Variants in XKR4 observed in about 807,000 individuals in gnomAD.
The protein encoded by XKR4 is XK-related protein 4.
Under a neutral mutation model 53.9 loss-of-function variants are expected in XKR4, and 12 were observed. The ratio of observed to expected loss-of-function variants is 0.22; its 90% CI spans 0.14 to 0.36. The LOEUF is 0.36. Ranked by LOEUF, XKR4 falls within the 10% of genes least tolerant of loss-of-function variation. The pLI is 1.00. For synonymous variants in XKR4, 354 were observed against 362.4 expected, an observed-to-expected ratio of 0.98 and a Z score of 0.26; for missense variants, 799 against 859.5, an observed-to-expected ratio of 0.93 and a Z score of 0.88.
At chr8:55,346,311 C>G (rs1159246264) in intron 1 of XKR4, among the ~76,000 whole-genome samples, 2 of 152,108 alleles carry the variant, frequency 1.3e-5, no homozygotes, top group Non-Finnish European at 2.9e-5. Flanking sequence ...TTCTCAAACT[C>G]CTGACCTCAA....
intron 2 of XKR4, among the ~76,000 whole-genome samples, chr8:55,373,713 G>A (rs1010337219): frequency 4.6e-5 from 7 of 152,116 alleles, no homozygotes; most frequent in African/African-American, 1.7e-4. Flanking sequence ...AAGACTTTTG[G>A]AATAAATGGT....
intron 1 of XKR4, among the ~76,000 whole-genome samples, chr8:55,229,420 G>A (rs1818000576): frequency 6.6e-6 from 1 of 152,224 alleles, no homozygotes; most frequent in Admixed American, 6.5e-5. Flanking sequence ...TCCGTCAGTC[G>A]TTTCAGGCTT....
rs1807017376 is a variant in XKR4, at chr8:55,535,325, A to T, written c.*11098A>T. On this transcript the variant is annotated 3_prime_UTR_variant, in exon 3 of 3. Coordinates refer to ENST00000327381, the MANE Select transcript of XKR4 (RefSeq NM_052898.2). ...TGTGCCATGTTGGTGTGCTGTACCT[A>T]TTAACTCGTCATTTAGCATCAGGTA... is the stretch of plus-strand genomic sequence containing the variant. The T allele has an allele frequency of 6.6e-6, 1 of 151,086 alleles. No individual in the cohort carries two copies. The highest frequency in any genetic ancestry group is 2.1e-4 in the South Asian group (1 of 4,798). The allele number at this position is 151,086 out of a possible 1,614,324, so 9.4% of individuals were successfully genotyped here. A position where few individuals can be genotyped will look rare whatever the true frequency, so the allele number is the denominator to read the frequency against.
At chr8:55,395,231 A>G (rs879460244) in intron 2 of XKR4, among the ~76,000 whole-genome samples, 2 of 152,094 alleles carry the variant, frequency 1.3e-5, no homozygotes, top group Admixed American at 1.3e-4. Flanking sequence ...AATTGTGACA[A>G]GCACCTCTTC....
chr8:55,339,180 C>T (rs746197116), intron 1 of XKR4, among the ~76,000 whole-genome samples: 46 of 152,268 alleles, frequency 3.0e-4, no homozygotes, highest in Middle Eastern at 6.8e-3. Flanking sequence ...ACATAGGATG[C>T]TGTGGCCATG....
intron 2 of XKR4, chr8:55,454,568 G>T: frequency 1.4e-6 from 2 of 1,441,268 alleles, no homozygotes; most frequent in Non-Finnish European, 1.9e-6. Context: ...GAGTCGGCCA[G>T]TGGAGTCTGG....
At position 55,409,383 on chromosome 8, in the gene XKR4, C is replaced by T. The variant is rs184020734; in HGVS notation, c.1006+51506C>T. On this transcript the variant is annotated intron_variant, in intron 2 of 2. Coordinates refer to ENST00000327381, the MANE Select transcript of XKR4 (RefSeq NM_052898.2). ...GTGGGCTTTTATAAGGACATCCAGA[C>T]ATTTCTGACCCCAGGACTTTGGGTA... is the stretch of plus-strand genomic sequence containing the variant. Among the ~76,000 whole-genome samples, 21 of 152,320 alleles carry T rather than the reference C, an allele frequency of 1.4e-4. 1 individual carries two copies. The East Asian group carries it at 2.1e-3, about 15-fold the overall frequency.
chr8:55,460,570 T>C (rs944985203), intron 2 of XKR4, among the ~76,000 whole-genome samples: 2 of 152,190 alleles, frequency 1.3e-5, no homozygotes, highest in African/African-American at 4.8e-5. Flanking sequence ...AGAAGATGGA[T>C]GATTTCTGCA....
chr8:55,261,263 C>T (rs1036357549), intron 1 of XKR4, among the ~76,000 whole-genome samples: 6 of 152,112 alleles, frequency 3.9e-5, no homozygotes, highest in African/African-American at 1.4e-4. Flanking sequence ...GCTTCCTCTT[C>T]TGGAAAAGAA....
At chr8:55,359,254 T>C (rs1334785600) in intron 2 of XKR4, among the ~76,000 whole-genome samples, 1 of 152,214 alleles carries the variant, frequency 6.6e-6, no homozygotes, top group East Asian at 1.9e-4. Context: ...GAGCTGGGCA[T>C]GCAGAGGCCT....
chr8:55,132,722 A>G (rs888644857), intron 1 of XKR4, among the ~76,000 whole-genome samples: 1 of 152,194 alleles, frequency 6.6e-6, no homozygotes, highest in Non-Finnish European at 1.5e-5. Flanking sequence ...GTCCTAACGT[A>G]CTTGCCTGGT....
chr8:55,169,989 T>C (rs1817135321), intron 1 of XKR4, among the ~76,000 whole-genome samples: 2 of 152,202 alleles, frequency 1.3e-5, no homozygotes, highest in Non-Finnish European at 2.9e-5. Context: ...TGCATATATC[T>C]TGAGTTATTA....
At chr8:55,212,829 G>A (rs1314688794) in intron 1 of XKR4, among the ~76,000 whole-genome samples, 2 of 152,110 alleles carry the variant, frequency 1.3e-5, no homozygotes, top group Non-Finnish European at 2.9e-5. Flanking sequence ...AAATCGTTGG[G>A]TGGTGTTCAT....
chr8:55,123,027 A>G (rs1816413700), intron 1 of XKR4, among the ~76,000 whole-genome samples: 1 of 152,164 alleles, frequency 6.6e-6, no homozygotes, highest in South Asian at 2.1e-4. Flanking sequence ...CTTCTTTCCT[A>G]ATACCTTCCA....
At chr8:55,242,387 T>C (rs1470386879) in intron 1 of XKR4, among the ~76,000 whole-genome samples, 1 of 152,204 alleles carries the variant, frequency 6.6e-6, no homozygotes, top group African/African-American at 2.4e-5. Context: ...CATCAGCGTT[T>C]ATCATCTTCC....
chr8:55,503,765 C>A (rs971916666), intron 2 of XKR4, among the ~76,000 whole-genome samples: 2 of 152,112 alleles, frequency 1.3e-5, no homozygotes, highest in Admixed American at 1.3e-4. Flanking sequence ...AAGTGGGCAT[C>A]CTTGTCTTTT....
At chr8:55,409,051 G>A (rs553989065) in intron 2 of XKR4, among the ~76,000 whole-genome samples, 1 of 151,888 alleles carries the variant, frequency 6.6e-6, no homozygotes, top group South Asian at 2.1e-4. Flanking sequence ...GGAGGGGAGT[G>A]GACAGGGGTC....
intron 1 of XKR4, among the ~76,000 whole-genome samples, chr8:55,249,669 C>A (rs1473331556): frequency 6.6e-6 from 1 of 152,048 alleles, no homozygotes; most frequent in African/African-American, 2.4e-5. Context: ...GAAGATGCAC[C>A]AAAAAATATT....
At position 55,528,622 on chromosome 8, in the gene XKR4, A is replaced by C. The variant is rs1243048120; in HGVS notation, c.*4395A>C. ...GAGAATTCCTTAAAGCCTTTTTAAA[A>C]ATAGCTCATACTGTCATTCAGATTA... On this transcript the variant is annotated 3_prime_UTR_variant, in exon 3 of 3. Transcript: ENST00000327381. 1 of 152,238 alleles carries C rather than the reference A, an allele frequency of 6.6e-6. No homozygotes were observed. The allele number at this position is 152,238 out of a possible 1,614,324, so 9.4% of individuals were successfully genotyped here.
Sources: allele counts gnomAD v4.1 joint callset (sites outside exome capture counted in the v4.1 genomes callset), GRCh38; gene constraint gnomAD v4.1.1; transcripts MANE v1.5; gene names NCBI Gene and HGNC (gene_info 2026-07-23, HGNC 2026-07-21).